The following FRMD3 variants were observed in gnomAD, a reference collection of about 807,000 sequenced individuals.
The protein encoded by FRMD3 is FERM domain containing 3.
FRMD3 carries 33 observed loss-of-function variants against 70.2 expected under a neutral mutation model. The observed-to-expected ratio is 0.47, with a 90% CI of 0.36 to 0.63. The LOEUF is 0.63. Ranked by LOEUF, FRMD3 falls within the 20% of genes least tolerant of loss-of-function variation. The pLI, the probability that FRMD3 is intolerant of heterozygous loss-of-function variation, is 0.00. For synonymous variants in FRMD3, 279 were observed against 255.9 expected (o/e 1.09, Z -0.86); for missense variants, 632 against 711.4 (o/e 0.89, Z 1.27).
intron 12 of FRMD3, among the ~76,000 whole-genome samples, chr9:83,293,483 ACAACGATGGG>A (rs1422330006): frequency 6.6e-6 from 1 of 152,152 alleles, no homozygotes; most frequent in Non-Finnish European, 1.5e-5. Context: ...TGCTTATGCT[ACAACGATGGG>A]CCCTCGGTGA....
rs763370259 is a variant in FRMD3, at chr9:83,335,563, T to C, written c.549A>G (p.Ser183=). The change falls in exon 6 of 14, where the codon TCA becomes TCG. Residue 183 remains serine, a synonymous_variant. Coordinates refer to ENST00000304195, the MANE Select transcript of FRMD3 (RefSeq NM_174938.6). ...ISEFEIFPKQ[S]QKLERKIVEI... is the part of the protein sequence containing the mutation. ...CCACTATTTTTCTTTCCAGCTTCTGTGACTGCTTGGGGAAAATCTCAAACT... is the reference window on the plus strand; with the variant it reads ...CCACTATTTTTCTTTCCAGCTTCTGCGACTGCTTGGGGAAAATCTCAAACT... The C allele has an allele frequency of 6.2e-7, 1 of 1,613,402 alleles. No individual in the cohort carries two copies. The highest frequency in any genetic ancestry group is 2.2e-5 in the East Asian group (1 of 44,870).
intron 1 of FRMD3, among the ~76,000 whole-genome samples, chr9:83,450,347 GTTT>G (rs763340189): frequency 0.1 from 11,558 of 111,554 alleles, 388 homozygotes; most frequent in Admixed American, 0.15. Context: ...GTCACCCTCA[GTTT>G]TTTTTTTTTT....
At chr9:83,420,737 A>C (rs1826609384) in intron 1 of FRMD3, among the ~76,000 whole-genome samples, 1 of 152,062 alleles carries the variant, frequency 6.6e-6, no homozygotes, top group South Asian at 2.1e-4. Flanking sequence ...TTGCTCTGTT[A>C]GTTTCAGTGA....
chr9:83,481,579 G>A (rs905005882), intron 1 of FRMD3, among the ~76,000 whole-genome samples: 20 of 152,202 alleles, frequency 1.3e-4, no homozygotes, highest in Admixed American at 7.9e-4. Context: ...ACTCACATTC[G>A]AAAGAGTCCA....
At chr9:83,532,399 C>A (rs537292133) in intron 1 of FRMD3, among the ~76,000 whole-genome samples, 1 of 152,122 alleles carries the variant, frequency 6.6e-6, no homozygotes, top group Non-Finnish European at 1.5e-5. Context: ...TCCATAAGGG[C>A]AGAAATGATA....
At chr9:83,397,376 C>A (rs1162460907) in intron 1 of FRMD3, among the ~76,000 whole-genome samples, 2 of 152,156 alleles carry the variant, frequency 1.3e-5, no homozygotes, top group Non-Finnish European at 2.9e-5. Flanking sequence ...AAGAGCTTTC[C>A]TTGGAAGTAC....
At chr9:83,284,074 T>C (rs866465675) in intron 13 of FRMD3, among the ~76,000 whole-genome samples, 1 of 150,764 alleles carries the variant, frequency 6.6e-6, no homozygotes, top group Middle Eastern at 3.4e-3. Flanking sequence ...TTTTTTTTTT[T>C]TTTTTTTTTT....
At position 83,496,472 on chromosome 9, in the gene FRMD3, T is replaced by G. The variant is rs1279890036; in HGVS notation, c.147+41613A>C. On this transcript the variant is annotated intron_variant, in intron 1 of 13. Coordinates refer to ENST00000304195, the MANE Select transcript of FRMD3 (RefSeq NM_174938.6). ...AAGTTCCCAAACTACCCCAATGTTT[T>G]AAAAAATCACCAAGGAGCATTTGCT... 2.6e-5 allele frequency among the ~76,000 whole-genome samples: 4 copies of G among 152,242 alleles called. No individual in the cohort carries two copies. In the East Asian group the frequency reaches 5.8e-4, roughly 22 times the overall value.
At chr9:83,404,191 G>C (rs554045517) in intron 1 of FRMD3, among the ~76,000 whole-genome samples, 1 of 152,130 alleles carries the variant, frequency 6.6e-6, no homozygotes, top group Non-Finnish European at 1.5e-5. Flanking sequence ...TTCTTCAAGC[G>C]ATTAGTCACT....
At chr9:83,355,699 C>T (rs1353784415) in intron 3 of FRMD3, among the ~76,000 whole-genome samples, 1 of 152,162 alleles carries the variant, frequency 6.6e-6, no homozygotes, top group Non-Finnish European at 1.5e-5. Flanking sequence ...TTGAGATAAA[C>T]ACTCCTACCA....
At chr9:83,324,633 T>C (rs1042234009) in intron 6 of FRMD3, among the ~76,000 whole-genome samples, 1 of 152,186 alleles carries the variant, frequency 6.6e-6, no homozygotes, top group Non-Finnish European at 1.5e-5. Context: ...GGATAATAGA[T>C]ACATATGCAG....
chr9:83,385,301 C>T (rs1029816619), intron 2 of FRMD3, among the ~76,000 whole-genome samples: 4 of 152,032 alleles, frequency 2.6e-5, no homozygotes, highest in Non-Finnish European at 4.4e-5. Context: ...CCCACTTTTT[C>T]CCTAATCTTA....
Position 83,429,534 on chromosome 9 carries a change from C to T in FRMD3, c.148-39826G>A, listed in dbSNP as rs145257082. On this transcript the variant is annotated intron_variant, in intron 1 of 13. Transcript: ENST00000304195. The stretch of plus-strand genomic sequence containing the variant: ...GCTCTCTCTCCCACTCCCTTCTCTG[C>T]CCACCTTGTAGAAGGAGCCCAGCCT... Among the ~76,000 whole-genome samples the T allele has an allele frequency of 2.3e-4, 35 of 152,274 alleles. No individual in the cohort carries two copies. The East Asian group carries it at 6.8e-3, about 29-fold the overall frequency.
At chr9:83,558,675 G>A in the FRMD3 span, among the ~76,000 whole-genome samples, 7 of 152,094 alleles carry the variant, frequency 4.6e-5, no homozygotes, top group Non-Finnish European at 7.4e-5. Flanking sequence ...TTCCTCTGAT[G>A]GATCTGGAAT....
chr9:83,553,668 T>G, the FRMD3 span, among the ~76,000 whole-genome samples: 512 of 152,352 alleles, frequency 3.4e-3, 3 homozygotes, highest in African/African-American at 0.011. Flanking sequence ...ATACTTGTGA[T>G]GGCATTGTGA....
chr9:83,526,557 CAG>C (rs1226392367), intron 1 of FRMD3, among the ~76,000 whole-genome samples: 1 of 152,196 alleles, frequency 6.6e-6, no homozygotes, highest in African/African-American at 2.4e-5. Flanking sequence ...TCATCTGTAA[CAG>C]AGATACTTAC....
intron 3 of FRMD3, among the ~76,000 whole-genome samples, chr9:83,362,291 T>C (rs76192291): frequency 0.013 from 2,019 of 152,208 alleles, 40 homozygotes; most frequent in African/African-American, 0.045. Context: ...AAGGGGGATG[T>C]TGGAAAGCTA....
intron 1 of FRMD3, among the ~76,000 whole-genome samples, chr9:83,427,394 A>G (rs1194524186): frequency 1.3e-5 from 2 of 152,224 alleles, no homozygotes; most frequent in Non-Finnish European, 2.9e-5. Context: ...TGTTCAGGTC[A>G]CACATCCCTT....
At chr9:83,310,027 G>A (rs1023249584) in intron 9 of FRMD3, among the ~76,000 whole-genome samples, 2 of 152,094 alleles carry the variant, frequency 1.3e-5, no homozygotes, top group South Asian at 2.1e-4. Context: ...TTTTGTTAAT[G>A]GTCTCCGCAC....
Sources: gnomAD v4.1 joint callset for allele counts (sites outside exome capture counted in the v4.1 genomes callset) on GRCh38, gnomAD v4.1.1 for gene constraint, MANE v1.5 for transcripts, NCBI Gene and HGNC (gene_info 2026-07-23, HGNC 2026-07-21) for gene names.